Variants in TEX14 observed in about 807,000 individuals in gnomAD.
TEX14 encodes the protein testis expressed 14, intercellular bridge forming factor, also known as inactive serine/threonine-protein kinase TEX14.
TEX14 carries 168 observed loss-of-function variants against 178.6 expected under a neutral mutation model. The ratio of observed to expected loss-of-function variants is 0.94; its 90% confidence interval spans 0.83 to 1.07. The LOEUF is 1.07. TEX14 is among the 50% of genes least tolerant of loss of function. The pLI, the probability that TEX14 is intolerant of heterozygous loss-of-function variation, is 0.00. For missense variants in TEX14, 1,730 were observed against 1,753.6 expected, an observed-to-expected ratio of 0.99 and a Z score of 0.24; for synonymous variants, 626 against 634.1, an observed-to-expected ratio of 0.99 and a Z score of 0.19.
At chr17:58,589,107 C>A (rs1436098638) in intron 15 of TEX14, among the ~76,000 whole-genome samples, 1 of 151,482 alleles carries the variant, frequency 6.6e-6, no homozygotes, top group Non-Finnish European at 1.5e-5. Context: ...ACTAAAAAAA[C>A]AAAAAATTAG....
chr17:58,609,780 G>A (rs1176758879), intron 10 of TEX14, among the ~76,000 whole-genome samples: 1 of 152,152 alleles, frequency 6.6e-6, no homozygotes, highest in Non-Finnish European at 1.5e-5. Context: ...TATGCTGAGT[G>A]CACATACGCA....
intron 15 of TEX14, among the ~76,000 whole-genome samples, chr17:58,589,387 C>A (rs1299172255): frequency 6.7e-6 from 1 of 148,792 alleles, no homozygotes; most frequent in South Asian, 2.1e-4. Flanking sequence ...ATGGTGAAAC[C>A]CCGTATCTCC....
chr17:58,605,560 C>A (rs75899145), intron 10 of TEX14, among the ~76,000 whole-genome samples: 1 of 152,116 alleles, frequency 6.6e-6, no homozygotes, highest in East Asian at 1.9e-4. Flanking sequence ...CTATTCCACC[C>A]GGGCCCTCTC....
chr17:58,570,527 G>A, intron 24 of TEX14, 43 bp from the exon 25 acceptor site: 2 of 1,375,848 alleles, frequency 1.5e-6, no homozygotes, highest in African/African-American at 1.5e-5. Flanking sequence ...TGTGTGTTGA[G>A]CTAAAAAGGC....
chr17:58,688,857 C>T (rs1480781312), intron 1 of TEX14, among the ~76,000 whole-genome samples: 1 of 152,104 alleles, frequency 6.6e-6, no homozygotes, highest in Non-Finnish European at 1.5e-5. Context: ...CCTGATGTGT[C>T]TCTGACCTCA....
chr17:58,582,277 T>C (rs2144399981), intron 19 of TEX14, among the ~76,000 whole-genome samples: 1 of 152,218 alleles, frequency 6.6e-6, no homozygotes, highest in East Asian at 1.9e-4. Flanking sequence ...TTTATTTTTC[T>C]GAGACAGAGT....
chr17:58,682,465 C>T (rs183253749), intron 1 of TEX14, among the ~76,000 whole-genome samples: 42 of 151,940 alleles, frequency 2.8e-4, no homozygotes, highest in South Asian at 4.2e-4. Flanking sequence ...GCCATGTTGG[C>T]GAGGCTGGTC....
At position 58,691,660 on chromosome 17, in the gene TEX14, CTGTCTCAAAAAAAAA is replaced by C. The variant is rs1444317783; in HGVS notation, c.-2+264_-2+278del. On this transcript the variant is annotated intron_variant, in intron 1 of 31. Transcript: ENST00000349033. ...CCATCATGGGCAACACAGTGAGACT[CTGTCTCAAAAAAAAA>C]AAAAAAAAAATCGCCAATAGGTAGG... 5.1e-5 allele frequency among the ~76,000 whole-genome samples: 5 copies of C among 98,394 alleles called. No individual in the cohort carries two copies. The East Asian group carries it at 1.4e-3, about 27-fold the overall frequency. The allele number at this position is 98,394 out of a possible 152,430, so 64.6% of individuals were successfully genotyped here.
chr17:58,558,816 G>T (rs779415226), intron 30 of TEX14, among the ~76,000 whole-genome samples: 1 of 152,060 alleles, frequency 6.6e-6, no homozygotes, highest in Non-Finnish European at 1.5e-5. Flanking sequence ...TTTATTACTG[G>T]ATTTTGAAGC....
At chr17:58,651,830 A>G in intron 2 of TEX14, 36 bp downstream of exon 2, 2 of 1,579,648 alleles carry the variant, frequency 1.3e-6, no homozygotes, top group East Asian at 2.2e-5. Context: ...AGAAATGTGT[A>G]CCAAGGTGCA....
chr17:58,577,463 G>C lies in TEX14; in HGVS notation c.3239-7C>G, dbSNP rs2044706065. On this transcript the variant is annotated splice_polypyrimidine_tract_variant and splice_region_variant and intron_variant, in intron 20 of 31. Coordinates refer to ENST00000349033, the MANE Select transcript of TEX14 (RefSeq NM_031272.5). ...ATTTGGAACTTTTCCTCACCTGAAAGAATAAAGTTAAAAATATATATATAT... is the reference window on the plus strand; with the variant it reads ...ATTTGGAACTTTTCCTCACCTGAAACAATAAAGTTAAAAATATATATATAT... The C allele has an allele frequency of 2.4e-6, 3 of 1,262,278 alleles. No homozygotes were observed. The highest frequency in any genetic ancestry group is 2.2e-6 in the Non-Finnish European group (2 of 928,116). 78.2% of individuals were successfully genotyped at this position (1,262,278 alleles called of 1,614,324 possible).
At chr17:58,610,991 T>C (rs564072618) in intron 10 of TEX14, among the ~76,000 whole-genome samples, 170 bp downstream of exon 10, 23 of 152,266 alleles carry the variant, frequency 1.5e-4, no homozygotes, top group African/African-American at 5.5e-4. Context: ...TGTCTCCAAA[T>C]TCCTCTAGCC....
At chr17:58,690,373 C>A (rs2047674636) in intron 1 of TEX14, among the ~76,000 whole-genome samples, 1 of 152,072 alleles carries the variant, frequency 6.6e-6, no homozygotes, top group South Asian at 2.1e-4. Context: ...GCCCTGTTGC[C>A]CAGGCTGGTC....
At chr17:58,596,012 C>A (rs907369024) in intron 14 of TEX14, among the ~76,000 whole-genome samples, 3 of 151,958 alleles carry the variant, frequency 2.0e-5, no homozygotes, top group African/African-American at 7.3e-5. Context: ...GTAAAACCCC[C>A]TCTCTACTAA....
In TEX14 at chr17:58,579,025, T is replaced by C. The variant is rs184871081; in HGVS notation, c.3238+640A>G. On this transcript the variant is annotated intron_variant, in intron 20 of 31. Transcript: ENST00000349033. ...GAACAAGAGTACACAATTTTAAAAA[T>C]GTAACAAAGCCAACAGTTAACTTAT... is the stretch of plus-strand genomic sequence containing the variant. Among the ~76,000 whole-genome samples, 5 of 152,346 alleles carry C rather than the reference T, an allele frequency of 3.3e-5. No homozygotes were observed. The East Asian group carries it at 9.6e-4, about 29-fold the overall frequency.
intron 14 of TEX14, among the ~76,000 whole-genome samples, chr17:58,597,179 C>T (rs1389375864): frequency 6.6e-6 from 1 of 152,112 alleles, no homozygotes; most frequent in Non-Finnish European, 1.5e-5. Context: ...AGGTGGATCA[C>T]CTATGGTCAG....
intron 22 of TEX14, 77 bp downstream of exon 22, chr17:58,574,110 A>G: frequency 8.4e-7 from 1 of 1,185,406 alleles, no homozygotes; most frequent in South Asian, 1.3e-5. Context: ...AAAGATCCTT[A>G]CAAACAAGAA....
intron 26 of TEX14, chr17:58,567,921 G>T (rs1359720343): frequency 6.6e-6 from 1 of 152,278 alleles, no homozygotes; most frequent in African/African-American, 2.4e-5. Context: ...ACTATAGAGG[G>T]AAGACAGCAG....
rs114562657 is a variant in TEX14 at position 58,561,539 on chromosome 17, G to A, written c.4138C>T (p.Leu1380Phe). 8,691 of 1,613,162 alleles carry A rather than the reference G, an allele frequency of 5.4e-3. 37 individuals carry two copies. Among genetic ancestry groups the A allele is most frequent in the African/African-American group, 9.1e-3 (680 of 75,030 alleles). Residue 1380 changes from leucine to phenylalanine, a missense_variant, in exon 29 of 32, where the codon CTT (leucine) becomes TTT (phenylalanine). By Grantham distance (22) the Leu-to-Phe change is conservative. Around this residue, in one of 2 missense-constraint regions of TEX14, gnomAD observed 941 missense variants for 1,072.4 expected, o/e 0.88. Transcript: ENST00000349033. ...PPEESVELQD[L>F]PKGSERETNI... ...AATAACCTTTCAGAGCCCTTGGGAA[G>A]GTCTTGTAGCTCCACGCTCTCCTCA...
Sources: allele counts gnomAD v4.1 joint callset (sites outside exome capture counted in the v4.1 genomes callset), GRCh38; gene constraint gnomAD v4.1.1; regional missense constraint gnomAD v4.1.1; transcripts MANE v1.5; gene names NCBI Gene and HGNC (gene_info 2026-07-23, HGNC 2026-07-21).